Variants in SERPINB8 observed in about 807,000 individuals in gnomAD.
SERPINB8 encodes the protein serpin B8.
In SERPINB8, 25 loss-of-function variants were observed where a neutral mutation model predicts 35.3. The observed-to-expected ratio is 0.71, with a 90% CI of 0.52 to 0.99. The LOEUF (loss-of-function observed/expected upper bound fraction) is 0.99. SERPINB8 is among the 50% of genes least tolerant of loss of function. The probability of loss-of-function intolerance (pLI) is 0.00; values close to 1 mark genes in which losing one functional copy is unlikely to be tolerated. For missense variants in SERPINB8, 484 were observed against 446.5 expected (o/e 1.08, Z -0.76); for synonymous variants, 186 against 160.8 (o/e 1.16, Z -1.19).
In SERPINB8 at chr18:63,987,379, T is replaced by C. The variant is rs2050778104; in HGVS notation, c.*101T>C. 2.5e-6 allele frequency: 3 copies of C among 1,214,710 alleles called. No individual in the cohort carries two copies. In the Admixed American group the frequency reaches 6.6e-5, roughly 27 times the overall value. 75.2% of individuals were successfully genotyped at this position (1,214,710 alleles called of 1,614,324 possible). ...TGGTGCAGTGGCTTGAATGCCAAAATAAAGCGTGTGCACTGGATAGTGTGT... is the reference window on the plus strand; with the variant it reads ...TGGTGCAGTGGCTTGAATGCCAAAACAAAGCGTGTGCACTGGATAGTGTGT... On this transcript the variant is annotated 3_prime_UTR_variant, in exon 7 of 7. Transcript: ENST00000397985.
At position 63,981,725 on chromosome 18, in the gene SERPINB8, T is replaced by G. The variant is rs1262105836; in HGVS notation, c.311T>G (p.Phe104Cys). 4.3e-6 allele frequency: 7 copies of G among 1,609,516 alleles called. No homozygotes were observed. The highest frequency in any genetic ancestry group is 5.9e-6 in the Non-Finnish European group (7 of 1,176,808). The stretch of plus-strand genomic sequence containing the variant: ...CTCAGTGTTTTGTGTTTGCAGGACT[T>G]TAAAGAATACTGTCAGAAGTTCTAT... ...GEKTCDFLPD[F>C]KEYCQKFYQA... Residue 104 changes from phenylalanine to cysteine, a missense_variant, in exon 4 of 7, where the codon TTT (phenylalanine) becomes TGT (cysteine). By Grantham distance (205) the Phe-to-Cys change is radical (BLOSUM62 -2). Coordinates refer to ENST00000397985, the MANE Select transcript of SERPINB8 (RefSeq NM_002640.4).
In SERPINB8 at chr18:63,970,094, G is replaced by A. The variant is rs1217396549; in HGVS notation, c.-87G>A. 3 of 287,420 alleles carry A rather than the reference G, an allele frequency of 1.0e-5. No individual in the cohort carries two copies. The highest frequency in any genetic ancestry group is 1.4e-5 in the Non-Finnish European group (2 of 147,176). The allele number at this position is 287,420 out of a possible 1,614,324, so 17.8% of individuals were successfully genotyped here. ...AGCCTTGCCCTCAATCAAGGCGGAC[G>A]TGAAGCATCTACAAAGGAGGAATAG... is the stretch of plus-strand genomic sequence containing the variant. On this transcript the variant is annotated 5_prime_UTR_variant, in exon 1 of 7. The change creates a new upstream start codon in the 5' untranslated region. Coordinates refer to ENST00000397985, the MANE Select transcript of SERPINB8 (RefSeq NM_002640.4).
At chr18:64,007,676 A>C (rs11662394), downstream of SERPINB8, among the ~76,000 whole-genome samples, 1 of 151,958 alleles carries the variant, frequency 6.6e-6, no homozygotes, top group African/African-American at 2.4e-5. Context: ...CATGTCTTAC[A>C]TGGTTGGAGC....
At chr18:64,011,860 G>C (rs1043240728) in intron 7 of SERPINB8, among the ~76,000 whole-genome samples, 2 of 152,086 alleles carry the variant, frequency 1.3e-5, no homozygotes, top group African/African-American at 4.8e-5. Flanking sequence ...TGGAAGCTGG[G>C]CTATTGTATT....
exon 8 of SERPINB8, chr18:64,019,187 T>C (rs1362189321): frequency 3.9e-5 from 6 of 152,270 alleles, no homozygotes; most frequent in Non-Finnish European, 8.8e-5. Context: ...TTACCTCCTG[T>C]GATTCCAGTC....
At chr18:64,009,506 C>T (rs1167715989), downstream of SERPINB8, among the ~76,000 whole-genome samples, 2 of 152,118 alleles carry the variant, frequency 1.3e-5, no homozygotes, top group Non-Finnish European at 2.9e-5. Flanking sequence ...ATCAATGGCA[C>T]AGAATAGAGA....
downstream of SERPINB8, among the ~76,000 whole-genome samples, chr18:64,010,369 G>A (rs1416179018): frequency 1.3e-5 from 2 of 152,110 alleles, no homozygotes; most frequent in African/African-American, 4.8e-5. Flanking sequence ...GTAAAGCTAA[G>A]ATATTCTACT....
At chr18:63,979,406 A>G (rs2050633927) in intron 2 of SERPINB8, among the ~76,000 whole-genome samples, 2 of 152,196 alleles carry the variant, frequency 1.3e-5, no homozygotes. Context: ...ATTATCGCAC[A>G]CTGCCTTGCT....
chr18:63,974,432 G>T (rs941302803), intron 1 of SERPINB8, among the ~76,000 whole-genome samples: 2 of 152,140 alleles, frequency 1.3e-5, no homozygotes, highest in Non-Finnish European at 2.9e-5. Context: ...CCCAGGAGGA[G>T]GACAATATCA....
intron 1 of SERPINB8, among the ~76,000 whole-genome samples, chr18:64,000,722 C>G (rs1000815099): frequency 6.6e-6 from 1 of 152,106 alleles, no homozygotes; most frequent in Non-Finnish European, 1.5e-5. Context: ...ACTCAATACT[C>G]GGTGCTTTTC....
downstream of SERPINB8, among the ~76,000 whole-genome samples, chr18:63,991,018 A>T (rs910032701): frequency 6.6e-6 from 1 of 152,250 alleles, no homozygotes; most frequent in East Asian, 1.9e-4. Context: ...TTTGTCAAAA[A>T]TCAGTTGATC....
chr18:64,004,187 A>G (rs896569474), intron 1 of SERPINB8, among the ~76,000 whole-genome samples: 1 of 152,204 alleles, frequency 6.6e-6, no homozygotes, highest in Non-Finnish European at 1.5e-5. Context: ...GGTAATTTTA[A>G]AGTGTTTTTC....
intron 7 of SERPINB8, among the ~76,000 whole-genome samples, chr18:64,011,228 A>T (rs944198411): frequency 5.3e-5 from 8 of 152,212 alleles, no homozygotes; most frequent in Admixed American, 1.3e-4. Context: ...AAGTGACAAG[A>T]AATATAAATG....
Position 63,987,213 on chromosome 18 carries a change from C to A in SERPINB8, c.1060C>A (p.Leu354Ile), listed in dbSNP as rs892171836. ...AAGATTCTGTGCAGACCACCCTTTT[C>A]TTTTCTTCATCAGGCACCACAAAAC... ...EPRFCADHPF[L>I]FFIRHHKTNC... The change falls in exon 7 of 7, where the codon CTT becomes ATT. Residue 354 changes from leucine (L) to isoleucine (I), a missense_variant. By Grantham distance (5) the Leu-to-Ile change is conservative (BLOSUM62 2). Transcript: ENST00000397985. 2.5e-6 allele frequency: 4 copies of A among 1,614,180 alleles called. No individual in the cohort carries two copies. Among genetic ancestry groups the A allele is most frequent in the Admixed American group, 3.3e-5 (2 of 60,018 alleles).
Position 63,978,403 on chromosome 18 carries a change from C to G in SERPINB8, c.95C>G (p.Pro32Arg), listed in dbSNP as rs1366149535. The part of the protein sequence containing the change: ...EDNSRNVFFS[P>R]MSISSALAMV... The stretch of plus-strand genomic sequence containing the variant: ...AACTCAAGAAACGTATTCTTCTCTC[C>G]CATGAGCATCTCCTCTGCCCTGGCC... Residue 32 changes from proline to arginine, a missense_variant, in exon 2 of 7, where the codon CCC (proline) becomes CGC (arginine). Physicochemically the swap from Pro to Arg is moderately radical, Grantham distance 103. Coordinates refer to ENST00000397985, the MANE Select transcript of SERPINB8 (RefSeq NM_002640.4). 1 of 1,614,204 alleles carries G rather than the reference C, an allele frequency of 6.2e-7. No homozygotes were observed. The highest frequency in any genetic ancestry group is 1.6e-4 in the Middle Eastern group (1 of 6,062).
At chr18:63,981,617 G>A in intron 3 of SERPINB8, 104 bp from the exon 4 acceptor site, 1 of 786,606 alleles carries the variant, frequency 1.3e-6, no homozygotes. Flanking sequence ...AGTGTGACCT[G>A]TCCAAGCACT....
At chr18:64,013,345 C>T (rs1198301456) in intron 7 of SERPINB8, among the ~76,000 whole-genome samples, 1 of 152,144 alleles carries the variant, frequency 6.6e-6, no homozygotes, top group Non-Finnish European at 1.5e-5. Context: ...CAACCCAAAA[C>T]CTTCCAGCTA....
At position 63,987,607 on chromosome 18, in the gene SERPINB8, G is replaced by A. The variant is rs181867229; in HGVS notation, c.*329G>A. On this transcript the variant is annotated 3_prime_UTR_variant, in exon 7 of 7. Coordinates refer to ENST00000397985, the MANE Select transcript of SERPINB8 (RefSeq NM_002640.4). Reference sequence around the variant, plus strand: ...TTCAGGAGCCAGCCCTCTTCCATCCGCCCGGCTCTGCCCACCACCACTGCC... The same window carrying A: ...TTCAGGAGCCAGCCCTCTTCCATCCACCCGGCTCTGCCCACCACCACTGCC... 1.9e-3 allele frequency: 332 copies of A among 179,014 alleles called. 1 individual carries two copies. The highest frequency in any genetic ancestry group is 9.5e-3 in the African/African-American group (274 of 28,744). The allele number at this position is 179,014 out of a possible 1,614,324, so 11.1% of individuals were successfully genotyped here.
intron 1 of SERPINB8, among the ~76,000 whole-genome samples, chr18:63,998,948 C>A (rs568198598): frequency 2.6e-4 from 40 of 152,274 alleles, no homozygotes; most frequent in African/African-American, 8.9e-4. Flanking sequence ...TGATGGAACC[C>A]CAGGAGAAGC....
Sources: allele counts gnomAD v4.1 joint callset (sites outside exome capture counted in the v4.1 genomes callset), GRCh38; gene constraint gnomAD v4.1.1; transcripts MANE v1.5; gene names NCBI Gene and HGNC (gene_info 2026-07-23, HGNC 2026-07-21).